The following CASP2 variants were observed in gnomAD, a reference collection of about 807,000 sequenced individuals.
The protein encoded by CASP2 is caspase-2.
A neutral mutation model predicts 54.4 loss-of-function variants in CASP2; 38 were observed. The observed-to-expected ratio is 0.70, with a 90% CI of 0.54 to 0.92. The LOEUF (loss-of-function observed/expected upper bound fraction) is 0.92. Among genes scored for constraint, CASP2 ranks in the 40% least tolerant of loss-of-function variants. CASP2 has a pLI of 0.00. For synonymous variants in CASP2, 215 were observed against 216.3 expected, an observed-to-expected ratio of 0.99 and a Z score of 0.05; for missense variants, 512 against 579.6, an observed-to-expected ratio of 0.88 and a Z score of 1.20.
chr7:143,296,701 A>T (rs1368803135), intron 6 of CASP2, among the ~76,000 whole-genome samples: 2 of 151,948 alleles, frequency 1.3e-5, no homozygotes, highest in Non-Finnish European at 2.9e-5. Context: ...CTCGTTTATC[A>T]TATAGCTATT....
chr7:143,293,813 G>T (rs1267816652), intron 4 of CASP2, among the ~76,000 whole-genome samples: 1 of 152,130 alleles, frequency 6.6e-6, no homozygotes, highest in Non-Finnish European at 1.5e-5. Context: ...TTAATAGTTG[G>T]TCCATTTCCC....
chr7:143,294,669 G>C lies in CASP2; in HGVS notation c.643G>C (p.Glu215Gln). The C allele has an allele frequency of 1.2e-6, 2 of 1,614,188 alleles. No homozygotes were observed. The highest frequency in any genetic ancestry group is 1.7e-6 in the Non-Finnish European group (2 of 1,180,012). ...LSNVHFTGEKELEFRSGGDVD... is the reference protein window; with the variant it reads ...LSNVHFTGEKQLEFRSGGDVD... ...CAATGTGCACTTCACTGGAGAGAAA[G>C]AACTGGAATTTCGCTCTGGAGGGGA... is the stretch of plus-strand genomic sequence containing the variant. Residue 215 changes from glutamate to glutamine, a missense_variant, in exon 6 of 11, where the codon GAA becomes CAA. By Grantham distance (29) the Glu-to-Gln change is conservative. Around this residue, in one of 3 missense-constraint regions of CASP2, gnomAD observed 417 missense variants for 495.4 expected, o/e 0.84. Coordinates refer to ENST00000310447, the MANE Select transcript of CASP2 (RefSeq NM_032982.4).
chr7:143,298,690 G>A (rs757737791), intron 6 of CASP2: 2 of 152,176 alleles, frequency 1.3e-5, no homozygotes, highest in Non-Finnish European at 2.9e-5. Flanking sequence ...GTTGCCTAAG[G>A]AGGGGTGTAC....
rs1204789986 is a variant in CASP2, at chr7:143,307,545, ATTTG to A, written c.*2479_*2482del. 1 of 152,138 alleles carries A rather than the reference ATTTG, an allele frequency of 6.6e-6. No individual in the cohort carries two copies. The highest frequency in any genetic ancestry group is 2.4e-5 in the African/African-American group (1 of 41,418). The allele number at this position is 152,138 out of a possible 1,614,324, so 9.4% of individuals were successfully genotyped here. A position where few individuals can be genotyped will look rare whatever the true frequency, so the allele number is the denominator to read the frequency against. On this transcript the variant is annotated 3_prime_UTR_variant, in exon 11 of 11. Coordinates refer to ENST00000310447, the MANE Select transcript of CASP2 (RefSeq NM_032982.4). The stretch of plus-strand genomic sequence containing the variant: ...GTAGTAGTCAAGGTGCTCAATAAAT[ATTTG>A]TTTGGGTGGTTTGTGAGCCTTGCTG...
chr7:143,305,163 T>C lies in CASP2; in HGVS notation c.*92T>C. 1 of 1,514,696 alleles carries C rather than the reference T, an allele frequency of 6.6e-7. No homozygotes were observed. Among genetic ancestry groups the C allele is most frequent in the South Asian group, 1.1e-5 (1 of 87,988 alleles). The allele number at this position is 1,514,696 out of a possible 1,614,324, so 93.8% of individuals were successfully genotyped here. A position where few individuals can be genotyped will look rare whatever the true frequency, so the allele number is the denominator to read the frequency against. On this transcript the variant is annotated 3_prime_UTR_variant, in exon 11 of 11. Coordinates refer to ENST00000310447, the MANE Select transcript of CASP2 (RefSeq NM_032982.4). ...GATCTTCAGGATGCACGGTTTCTGT[T>C]CTGCCCCCTCAGGGATGTGGGAATC...
intron 8 of CASP2, chr7:143,300,971 T>C: frequency 1.0e-6 from 1 of 991,380 alleles, no homozygotes; most frequent in Non-Finnish European, 1.2e-6. Context: ...TTAAGAGCCC[T>C]AACTTTGGAG....
chr7:143,304,837 T>A, intron 10 of CASP2, 54 bp downstream of exon 10: 1 of 1,606,004 alleles, frequency 6.2e-7, no homozygotes, highest in Non-Finnish European at 8.5e-7. Context: ...TCTACTTTCC[T>A]CCTCTCTTGA....
chr7:143,294,183 A>G, intron 4 of CASP2, 47 bp from the exon 5 acceptor site: 2 of 981,416 alleles, frequency 2.0e-6, no homozygotes, highest in Non-Finnish European at 3.3e-6. Context: ...ATTAAGATTG[A>G]TGGTTAAGTT....
At chr7:143,303,229 A>G (rs1346716192) in intron 8 of CASP2, 1 of 152,312 alleles carries the variant, frequency 6.6e-6, no homozygotes, top group East Asian at 1.9e-4. Flanking sequence ...CGAAGATATC[A>G]AAACCACCTT....
At chr7:143,292,751 C>T in intron 4 of CASP2, 53 bp downstream of exon 4, 1 of 1,465,194 alleles carries the variant, frequency 6.8e-7, no homozygotes. Context: ...CGGCTTACGC[C>T]TATAATCCCA....
At chr7:143,291,861 C>T (rs867278380) in intron 2 of CASP2, among the ~76,000 whole-genome samples, 171 bp downstream of exon 2, 1 of 147,226 alleles carries the variant, frequency 6.8e-6, no homozygotes, top group African/African-American at 2.6e-5. Context: ...TCACTGCAGC[C>T]TCTGCCTCCC....
chr7:143,293,232 C>A, intron 4 of CASP2: 1 of 544,750 alleles, frequency 1.8e-6, no homozygotes, highest in Non-Finnish European at 3.2e-6. Flanking sequence ...GGTTGAAGGG[C>A]TCCTCCTGCC....
intron 8 of CASP2, chr7:143,301,417 C>T (rs1801914447): frequency 6.6e-6 from 1 of 151,872 alleles, no homozygotes; most frequent in Non-Finnish European, 1.5e-5. Flanking sequence ...GAAATGTGGC[C>T]TCTCTAAGGA....
chr7:143,299,852 A>G, intron 6 of CASP2, 71 bp from the exon 7 acceptor site: 1 of 1,588,478 alleles, frequency 6.3e-7, no homozygotes, highest in Admixed American at 1.7e-5. Context: ...GGGTTTCAAA[A>G]AGAAACCAAA....
In CASP2 at chr7:143,303,921, G is replaced by A. The variant is rs1194767939; in HGVS notation, c.1105G>A (p.Ala369Thr). ...PTRSDMICGYACLKGTAAMRN... is the reference protein window; with the variant it reads ...PTRSDMICGYTCLKGTAAMRN... ...GCGCTCAGACATGATATGCGGCTAT[G>A]CCTGCCTCAAAGGTACTTTGAGTTC... is the stretch of plus-strand genomic sequence containing the variant. Residue 369 changes from alanine to threonine, a missense_variant, in exon 9 of 11, where the codon GCC becomes ACC. Ala to Thr is a moderately conservative substitution (Grantham distance 58). This residue lies in a region of CASP2 where 417 missense variants were observed against 495.4 expected (regional missense o/e 0.84). Transcript: ENST00000310447. 2 of 1,598,044 alleles carry A rather than the reference G, an allele frequency of 1.3e-6. No individual in the cohort carries two copies. Among genetic ancestry groups the A allele is most frequent in the East Asian group, 4.5e-5 (2 of 44,296 alleles).
chr7:143,294,925 C>T, intron 6 of CASP2, 152 bp downstream of exon 6: 2 of 737,890 alleles, frequency 2.7e-6, no homozygotes, highest in East Asian at 2.7e-5. Context: ...TGCCTCTCAC[C>T]TTGCATTCTA....
intron 8 of CASP2, chr7:143,302,201 C>G (rs1281154162): frequency 6.6e-6 from 1 of 152,154 alleles, no homozygotes; most frequent in African/African-American, 2.4e-5. Context: ...TCTCCTTTCT[C>G]TTTAGCTTGG....
intron 6 of CASP2, among the ~76,000 whole-genome samples, chr7:143,296,642 C>T (rs1459093655): frequency 6.6e-6 from 1 of 151,742 alleles, no homozygotes; most frequent in Non-Finnish European, 1.5e-5. Flanking sequence ...GTACACTGGG[C>T]ATCTGCACAG....
rs371891055 is a variant in CASP2 at position 143,288,415 on chromosome 7, C to G, written c.-41C>G. ...AGCGACGGCCCCCGGTTTGTTTGGG[C>G]TGTGGGCGGTGCGCAGCGGAGAGCC... On this transcript the variant is annotated 5_prime_UTR_variant, in exon 1 of 11. Coordinates refer to ENST00000310447, the MANE Select transcript of CASP2 (RefSeq NM_032982.4). 6 of 1,601,646 alleles carry G rather than the reference C, an allele frequency of 3.7e-6. No individual in the cohort carries two copies. Among genetic ancestry groups the G allele is most frequent in the Non-Finnish European group, 4.3e-6 (5 of 1,171,226 alleles).
Sources: gnomAD v4.1 joint callset for allele counts (sites outside exome capture counted in the v4.1 genomes callset) on GRCh38, gnomAD v4.1.1 for gene constraint, gnomAD v4.1.1 regional missense constraint, MANE v1.5 for transcripts, NCBI Gene and HGNC (gene_info 2026-07-23, HGNC 2026-07-21) for gene names.